The following HS1BP3 variants were observed in gnomAD, a reference collection of about 807,000 sequenced individuals.
HS1BP3 encodes HCLS1-binding protein 3.
Under a neutral mutation model 33.5 loss-of-function variants are expected in HS1BP3, and 32 were observed. The ratio of observed to expected loss-of-function variants is 0.95; its 90% CI spans 0.72 to 1.28. The LOEUF (loss-of-function observed/expected upper bound fraction) is 1.28, where lower values mean the gene tolerates loss of function less well. Ranked by LOEUF, HS1BP3 falls within the 50% of genes most tolerant of loss-of-function variation. The pLI, the probability that HS1BP3 is intolerant of heterozygous loss-of-function variation, is 0.00. For missense variants in HS1BP3, 486 were observed against 502.3 expected (o/e 0.97, Z 0.31); for synonymous variants, 187 against 209.2 (o/e 0.89, Z 0.92).
chr2:20,624,931 C>T (rs17663045), intron 4 of HS1BP3, 39 bp from the exon 5 acceptor site: 450,126 of 1,611,186 alleles, frequency 0.28, 65,694 homozygotes, highest in Non-Finnish European at 0.31. Flanking sequence ...GAGGATTTCC[C>T]ACAAGTGTCC....
downstream of HS1BP3, among the ~76,000 whole-genome samples, chr2:20,559,698 G>A (rs577166460): frequency 3.5e-3 from 400 of 112,920 alleles, 1 homozygote; most frequent in African/African-American, 0.011. Context: ...GTAGATGGAC[G>A]GGTGGGTGGG....
In HS1BP3 at chr2:20,623,895, C is replaced by T; in HGVS notation, c.920+1G>A. ...CAAGCGCCGCTGGGGACAGGTGGTA[C>T]CTGAACAGTTCCTTGGAGGCGTCCC... is the stretch of plus-strand genomic sequence containing the variant. On this transcript the variant is annotated splice_donor_variant, in intron 6 of 6. Transcript: ENST00000304031. LOFTEE classifies it high-confidence loss of function. 1.2e-6 allele frequency: 2 copies of T among 1,611,576 alleles called. No individual in the cohort carries two copies. The highest frequency in any genetic ancestry group is 2.2e-5 in the South Asian group (2 of 90,862).
chr2:20,624,233 T>A (rs770475060), intron 5 of HS1BP3, among the ~76,000 whole-genome samples: 1 of 152,104 alleles, frequency 6.6e-6, no homozygotes, highest in African/African-American at 2.4e-5. Flanking sequence ...GCCCTCGGGA[T>A]AGGGACTAGG....
At chr2:20,564,525 C>T (rs1693077903) in intron 5 of HS1BP3, among the ~76,000 whole-genome samples, 1 of 152,052 alleles carries the variant, frequency 6.6e-6, no homozygotes, top group South Asian at 2.1e-4. Context: ...CACTTGTCCC[C>T]CAGGCTGGAG....
At chr2:20,638,684 G>A (rs1019801836) in intron 3 of HS1BP3, 32 bp from the exon 4 acceptor site, 1 of 1,566,202 alleles carries the variant, frequency 6.4e-7, no homozygotes, top group Non-Finnish European at 8.8e-7. Flanking sequence ...AATGGACTTG[G>A]TAACCACCCC....
chr2:20,575,577 G>A (rs1693378411), intron 5 of HS1BP3, among the ~76,000 whole-genome samples: 2 of 152,208 alleles, frequency 1.3e-5, no homozygotes, highest in South Asian at 4.1e-4. Flanking sequence ...CATCCCTGGA[G>A]GCCCCGCCAC....
chr2:20,632,544 G>T (rs181158523), intron 4 of HS1BP3, among the ~76,000 whole-genome samples: 151 of 152,360 alleles, frequency 9.9e-4, no homozygotes, highest in African/African-American at 3.4e-3. Flanking sequence ...TCCTGGGAAG[G>T]TTCCTCAGTC....
downstream of HS1BP3, among the ~76,000 whole-genome samples, chr2:20,559,606 G>GGATGGGTGGATGCATGGATGGATA (rs1692931903): frequency 6.9e-6 from 1 of 144,706 alleles, no homozygotes; most frequent in Non-Finnish European, 1.5e-5. Flanking sequence ...ATGAATGGAT[G>GGATGGGTGGATGCATGGATGGATA]GGTGGATGAA....
At chr2:20,567,250 C>T (rs561320168) in intron 5 of HS1BP3, among the ~76,000 whole-genome samples, 92 of 152,264 alleles carry the variant, frequency 6.0e-4, no homozygotes, top group African/African-American at 1.1e-3. Flanking sequence ...GGGTGACCCC[C>T]GGACTCAAGT....
chr2:20,641,064 G>T lies in HS1BP3; in HGVS notation c.315C>A (p.Ile105=), dbSNP rs951941346. ...CATTGAACACGGCTCTCCTCTCCCG[G>T]ATGTCAGACTCCCCAACAAACAGGA... is the stretch of plus-strand genomic sequence containing the variant. ...RKVLFVGESD[I]RERRAVFNEI... is the part of the protein sequence containing the mutation. The change falls in exon 3 of 7, where the codon ATC becomes ATA. Residue 105 remains isoleucine, a synonymous_variant. Transcript: ENST00000304031. The T allele has an allele frequency of 6.2e-7, 1 of 1,614,154 alleles. No individual in the cohort carries two copies. The highest frequency in any genetic ancestry group is 8.5e-7 in the Non-Finnish European group (1 of 1,180,040).
At chr2:20,577,550 T>C (rs1388027568) in intron 5 of HS1BP3, among the ~76,000 whole-genome samples, 1 of 152,088 alleles carries the variant, frequency 6.6e-6, no homozygotes, top group Non-Finnish European at 1.5e-5. Context: ...TCCCCCCAGC[T>C]CCACCAGGGG....
At chr2:20,582,948 T>A (rs1693570002) in intron 5 of HS1BP3, among the ~76,000 whole-genome samples, 1 of 152,028 alleles carries the variant, frequency 6.6e-6, no homozygotes, top group Admixed American at 6.5e-5. Context: ...GTCCCAACCC[T>A]CTGCCACTTA....
exon 3 of HS1BP3, chr2:20,598,232 C>T (rs1407927968): frequency 1.9e-5 from 8 of 419,866 alleles, no homozygotes; most frequent in Admixed American, 9.9e-5. Flanking sequence ...AGTGGGAGCC[C>T]TGAGCTTGTT....
At chr2:20,593,976 G>A (rs547985931) in intron 3 of HS1BP3, among the ~76,000 whole-genome samples, 164 of 152,370 alleles carry the variant, frequency 1.1e-3, no homozygotes, top group African/African-American at 3.9e-3. Context: ...GAAGAGGGAC[G>A]TGGGCTTCTT....
At chr2:20,633,681 C>T (rs1695033392) in intron 4 of HS1BP3, among the ~76,000 whole-genome samples, 1 of 152,160 alleles carries the variant, frequency 6.6e-6, no homozygotes, top group Non-Finnish European at 1.5e-5. Context: ...CCCCATCATA[C>T]CCAGCTAATT....
At chr2:20,622,458 T>C (rs4666444) in intron 6 of HS1BP3, 493,298 of 494,472 alleles carry the variant, frequency 1, 246,069 homozygotes, top group East Asian at 1. Flanking sequence ...CACCACAGAG[T>C]GGGGGGCCCA....
chr2:20,621,209 G>T (rs1694591578), intron 6 of HS1BP3, among the ~76,000 whole-genome samples: 1 of 152,258 alleles, frequency 6.6e-6, no homozygotes. Context: ...CAGAGAGCCT[G>T]TGTGAGTATG....
intron 5 of HS1BP3, among the ~76,000 whole-genome samples, chr2:20,566,488 G>C (rs1183299841): frequency 6.6e-6 from 1 of 152,238 alleles, no homozygotes; most frequent in Non-Finnish European, 1.5e-5. Context: ...ACAAGGAGGA[G>C]CAGGCATCAC....
the HS1BP3 span, among the ~76,000 whole-genome samples, chr2:20,554,328 C>G: frequency 1.3e-5 from 2 of 152,196 alleles, no homozygotes; most frequent in Non-Finnish European, 2.9e-5. Flanking sequence ...TCTCAATAGC[C>G]TGACACACGC....
Sources: allele counts gnomAD v4.1 joint callset (sites outside exome capture counted in the v4.1 genomes callset), GRCh38; gene constraint gnomAD v4.1.1; transcripts MANE v1.5; gene names NCBI Gene and HGNC (gene_info 2026-07-23, HGNC 2026-07-21).